The following CCDC149 variants were observed in gnomAD, a reference collection of about 807,000 sequenced individuals.
CCDC149 encodes coiled-coil domain containing 149.
CCDC149 carries 45 observed loss-of-function variants against 59.9 expected under a neutral mutation model. The ratio of observed to expected loss-of-function variants is 0.75; its 90% CI spans 0.59 to 0.96. CCDC149 has a LOEUF of 0.96. Ranked by LOEUF, CCDC149 falls within the 40% of genes least tolerant of loss-of-function variation. The pLI, the probability that CCDC149 is intolerant of heterozygous loss-of-function variation, is 0.00. For missense variants in CCDC149, 584 were observed against 664.7 expected (o/e 0.88, Z 1.33); for synonymous variants, 245 against 260.6 (o/e 0.94, Z 0.58).
intron 1 of CCDC149, among the ~76,000 whole-genome samples, chr4:24,969,072 G>A (rs1460684471): frequency 6.6e-6 from 1 of 152,226 alleles, no homozygotes; most frequent in African/African-American, 2.4e-5. Context: ...GGGGTAAACT[G>A]ATGAGACAGA....
At chr4:24,879,195 C>A (rs1719669966) in intron 1 of CCDC149, among the ~76,000 whole-genome samples, 1 of 152,126 alleles carries the variant, frequency 6.6e-6, no homozygotes, top group Non-Finnish European at 1.5e-5. Context: ...TGGCACAAGT[C>A]TTTGGCATCT....
intron 5 of CCDC149, 103 bp downstream of exon 5, chr4:24,838,053 G>C: frequency 6.6e-6 from 6 of 915,302 alleles, no homozygotes; most frequent in Non-Finnish European, 1.1e-5. Context: ...GTGCATCCCA[G>C]GCACCCCATA....
At chr4:24,933,654 A>G (rs982433492) in intron 1 of CCDC149, among the ~76,000 whole-genome samples, 5 of 152,194 alleles carry the variant, frequency 3.3e-5, no homozygotes, top group Admixed American at 3.3e-4. Context: ...CATATTCTGG[A>G]GGGAGAGACA....
intron 1 of CCDC149, among the ~76,000 whole-genome samples, chr4:24,912,494 G>A (rs1721931944): frequency 6.6e-6 from 1 of 152,082 alleles, no homozygotes; most frequent in South Asian, 2.1e-4. Flanking sequence ...AGTGGCGAGC[G>A]GGCAGGCAGG....
At chr4:24,914,762 A>G (rs974843170), upstream of CCDC149, among the ~76,000 whole-genome samples, 12 of 152,348 alleles carry the variant, frequency 7.9e-5, no homozygotes, top group East Asian at 2.3e-3. Context: ...AGGTAACTGA[A>G]ATGGATGGTG....
intron 2 of CCDC149, among the ~76,000 whole-genome samples, chr4:24,874,274 TG>T (rs137935244): frequency 0.51 from 45,163 of 88,488 alleles, 9,204 homozygotes; most frequent in Non-Finnish European, 0.6. Context: ...TGTTTTTTTT[TG>T]TTTTTTTGCC....
intron 3 of CCDC149, among the ~76,000 whole-genome samples, chr4:24,861,297 C>T (rs1718371370): frequency 1.3e-5 from 2 of 151,546 alleles, no homozygotes; most frequent in African/African-American, 4.9e-5. Context: ...TGGAGTACTG[C>T]TCAGCCATAA....
intron 9 of CCDC149, among the ~76,000 whole-genome samples, chr4:24,826,209 C>T (rs1316024854): frequency 5.3e-5 from 8 of 152,132 alleles, no homozygotes; most frequent in Admixed American, 1.3e-4. Flanking sequence ...ACCTGCCCAC[C>T]TCAGCATCCC....
chr4:24,914,385 G>GA (rs201825269), upstream of CCDC149, among the ~76,000 whole-genome samples: 267 of 120,204 alleles, frequency 2.2e-3, 2 homozygotes, highest in South Asian at 0.043. Flanking sequence ...TGTGTTACCA[G>GA]AAAAAAAAAA....
intron 1 of CCDC149, among the ~76,000 whole-genome samples, chr4:24,886,564 G>C (rs3846333): frequency 0.42 from 63,855 of 152,106 alleles, 14,579 homozygotes; most frequent in Non-Finnish European, 0.52. Context: ...TGGGAAGTGA[G>C]AAAACAACAA....
At chr4:24,845,037 G>A (rs1392567879) in intron 4 of CCDC149, among the ~76,000 whole-genome samples, 1 of 152,208 alleles carries the variant, frequency 6.6e-6, no homozygotes, top group African/African-American at 2.4e-5. Flanking sequence ...GTCAGGAATT[G>A]AGCCCGGCAG....
At chr4:24,894,502 T>C (rs1720729725) in intron 1 of CCDC149, among the ~76,000 whole-genome samples, 1 of 152,072 alleles carries the variant, frequency 6.6e-6, no homozygotes, top group Non-Finnish European at 1.5e-5. Flanking sequence ...GTTGGTGTCT[T>C]CACAAATTCC....
chr4:24,974,283 C>T (rs1451538525), intron 1 of CCDC149, among the ~76,000 whole-genome samples: 3 of 152,238 alleles, frequency 2.0e-5, no homozygotes, highest in Admixed American at 2.0e-4. Flanking sequence ...CGCACTCCCA[C>T]GTGAATTTGC....
downstream of CCDC149, among the ~76,000 whole-genome samples, chr4:24,804,259 G>A (rs549662205): frequency 6.6e-5 from 10 of 152,124 alleles, no homozygotes; most frequent in African/African-American, 2.2e-4. Flanking sequence ...TTGGGAGGCC[G>A]AGGAAGGCAG....
chr4:24,929,893 C>G (rs1722536978), intron 1 of CCDC149, among the ~76,000 whole-genome samples: 1 of 152,180 alleles, frequency 6.6e-6, no homozygotes, highest in Non-Finnish European at 1.5e-5. Context: ...TGCCTCTCCC[C>G]CCATCAACCA....
intron 1 of CCDC149, among the ~76,000 whole-genome samples, chr4:24,936,832 C>A (rs10031348): frequency 2.0e-5 from 3 of 152,110 alleles, no homozygotes; most frequent in Non-Finnish European, 4.4e-5. Flanking sequence ...GCATGGGAAT[C>A]GAATCAGCAA....
intron 1 of CCDC149, among the ~76,000 whole-genome samples, chr4:24,936,629 C>T (rs1344819895): frequency 1.3e-5 from 2 of 152,150 alleles, no homozygotes; most frequent in Non-Finnish European, 2.9e-5. Flanking sequence ...TATAGTTACT[C>T]TAGTATATAA....
At chr4:24,848,493 C>T (rs1198279026) in intron 4 of CCDC149, among the ~76,000 whole-genome samples, 2 of 151,992 alleles carry the variant, frequency 1.3e-5, no homozygotes, top group African/African-American at 4.8e-5. Flanking sequence ...CGCTTGAACC[C>T]GGGAGGCGGA....
chr4:24,973,790 T>G (rs923771034), intron 1 of CCDC149, among the ~76,000 whole-genome samples: 2 of 152,354 alleles, frequency 1.3e-5, no homozygotes, highest in Admixed American at 6.5e-5. Context: ...CTGTGCAACG[T>G]TATCCACAGT....
Sources: allele counts gnomAD v4.1 joint callset (sites outside exome capture counted in the v4.1 genomes callset), GRCh38; gene constraint gnomAD v4.1.1; transcripts MANE v1.5; gene names NCBI Gene and HGNC (gene_info 2026-07-23, HGNC 2026-07-21).